ALK: variants seen among roughly 807,000 people sequenced by gnomAD.
ALK encodes the protein ALK receptor tyrosine kinase, also known as ALK tyrosine kinase receptor.
In ALK, 74 loss-of-function variants were observed where a neutral mutation model predicts 163.1. The observed-to-expected ratio is 0.45, with a 90% confidence interval of 0.38 to 0.55. The LOEUF is 0.55. Among genes scored for constraint, ALK ranks in the 20% least tolerant of loss-of-function variants. The pLI, the probability that ALK is intolerant of heterozygous loss-of-function variation, is 0.00. For missense variants in ALK, 2,063 were observed against 2,105.3 expected, an observed-to-expected ratio of 0.98 and a Z score of 0.39; for synonymous variants, 960 against 843.2, an observed-to-expected ratio of 1.14 and a Z score of -2.40.
At chr2:29,630,549 G>A (rs933915941) in intron 3 of ALK, among the ~76,000 whole-genome samples, 4 of 151,802 alleles carry the variant, frequency 2.6e-5, no homozygotes, top group African/African-American at 9.7e-5. Flanking sequence ...ATTAAGGTTG[G>A]CAATTATTAA....
chr2:29,356,940 C>A (rs1016711532), intron 5 of ALK, among the ~76,000 whole-genome samples: 1 of 152,100 alleles, frequency 6.6e-6, no homozygotes, highest in African/African-American at 2.4e-5. Context: ...CATGACTGCT[C>A]CACATCTTCA....
chr2:29,561,580 CAT>C (rs2148183191), intron 3 of ALK, among the ~76,000 whole-genome samples: 1 of 152,296 alleles, frequency 6.6e-6, no homozygotes, highest in East Asian at 1.9e-4. Context: ...ATAACCTTCA[CAT>C]GTGTTCATAA....
intron 4 of ALK, among the ~76,000 whole-genome samples, chr2:29,390,090 G>C (rs1372498047): frequency 6.6e-6 from 1 of 152,174 alleles, no homozygotes; most frequent in Admixed American, 6.5e-5. Flanking sequence ...TTAAAATGCA[G>C]GTTGGCATGC....
At chr2:29,703,939 T>C (rs1005067142) in intron 2 of ALK, among the ~76,000 whole-genome samples, 1 of 152,184 alleles carries the variant, frequency 6.6e-6, no homozygotes, top group Middle Eastern at 3.2e-3. Flanking sequence ...TTTCTGAATG[T>C]CACCTCTTCA....
intron 4 of ALK, among the ~76,000 whole-genome samples, chr2:29,401,102 G>T (rs1669433936): frequency 6.6e-6 from 1 of 152,096 alleles, no homozygotes; most frequent in Non-Finnish European, 1.5e-5. Context: ...GCACTAAATG[G>T]CATCCTGGAG....
chr2:29,832,504 G>A (rs1665447210), intron 1 of ALK, among the ~76,000 whole-genome samples: 1 of 152,254 alleles, frequency 6.6e-6, no homozygotes, highest in Admixed American at 6.5e-5. Flanking sequence ...GAGTGAGTGT[G>A]TGTGCACACT....
chr2:29,218,569 G>A (rs2879456), intron 23 of ALK, among the ~76,000 whole-genome samples: 82,366 of 151,994 alleles, frequency 0.54, 23,003 homozygotes, highest in East Asian at 0.89. Flanking sequence ...AGAGAGAAAG[G>A]GGGAGGGGAG....
intron 2 of ALK, among the ~76,000 whole-genome samples, chr2:29,695,534 T>C (rs954120997): frequency 6.6e-6 from 1 of 152,172 alleles, no homozygotes; most frequent in Non-Finnish European, 1.5e-5. Context: ...ATGTAATGTA[T>C]GTGCGGCTTA....
chr2:29,791,252 T>G (rs1192184244), intron 1 of ALK, among the ~76,000 whole-genome samples: 1 of 152,102 alleles, frequency 6.6e-6, no homozygotes, highest in African/African-American at 2.4e-5. Context: ...AATGATAGAC[T>G]GGATAAAGAA....
intron 5 of ALK, among the ~76,000 whole-genome samples, chr2:29,344,613 CCAATGCATGACCTGT>C (rs1223795238): frequency 1.3e-5 from 2 of 152,232 alleles, no homozygotes; most frequent in Admixed American, 1.3e-4. Context: ...CCAGCTGAAT[CCAATGCATGACCTGT>C]CAATGCCATG....
chr2:29,699,338 G>A (rs1410547945), intron 2 of ALK, among the ~76,000 whole-genome samples: 1 of 152,120 alleles, frequency 6.6e-6, no homozygotes, highest in Non-Finnish European at 1.5e-5. Context: ...GAAGTGGACG[G>A]TTTCTTCTTC....
intron 9 of ALK, among the ~76,000 whole-genome samples, chr2:29,289,650 G>A (rs1218285979): frequency 1.3e-5 from 2 of 152,124 alleles, no homozygotes; most frequent in African/African-American, 2.4e-5. Context: ...AACTCCCCTC[G>A]CGAGAGGCAG....
At chr2:29,195,634 C>G (rs1361578355) in intron 28 of ALK, among the ~76,000 whole-genome samples, 2 of 152,142 alleles carry the variant, frequency 1.3e-5, no homozygotes, top group African/African-American at 4.8e-5. Context: ...ACTCAGGAGG[C>G]TGAGGGAGGA....
intron 3 of ALK, among the ~76,000 whole-genome samples, chr2:29,567,123 TGAA>T (rs1674213968): frequency 6.6e-6 from 1 of 152,196 alleles, no homozygotes; most frequent in Non-Finnish European, 1.5e-5. Flanking sequence ...TCTATGTAAA[TGAA>T]GAAGTCACAG....
At chr2:29,317,950 G>A (rs1666882820) in intron 8 of ALK, among the ~76,000 whole-genome samples, 2 of 152,198 alleles carry the variant, frequency 1.3e-5, no homozygotes, top group African/African-American at 2.4e-5. Context: ...TATTTACAAT[G>A]TATTACAAGA....
At chr2:29,398,721 C>A (rs941875981) in intron 4 of ALK, among the ~76,000 whole-genome samples, 1 of 152,064 alleles carries the variant, frequency 6.6e-6, no homozygotes, top group Non-Finnish European at 1.5e-5. Flanking sequence ...CAGCATTCTC[C>A]GAGGTCAGAG....
At chr2:29,271,999 G>A (rs1665401507) in intron 11 of ALK, among the ~76,000 whole-genome samples, 1 of 152,184 alleles carries the variant, frequency 6.6e-6, no homozygotes, top group South Asian at 2.1e-4. Context: ...GGGGTAGGGA[G>A]GTTGAGGAAG....
At chr2:29,722,018 GT>G (rs1481903723) in intron 1 of ALK, among the ~76,000 whole-genome samples, 1 of 152,190 alleles carries the variant, frequency 6.6e-6, no homozygotes, top group Middle Eastern at 3.2e-3. Flanking sequence ...CTAGGTCTTT[GT>G]TTCACTGGAC....
chr2:29,658,117 A>T (rs957525564), intron 3 of ALK, among the ~76,000 whole-genome samples: 2 of 152,106 alleles, frequency 1.3e-5, no homozygotes, highest in East Asian at 3.9e-4. Flanking sequence ...TCCACTGTCC[A>T]CTCAAGCCAG....
Sources: allele counts gnomAD v4.1 joint callset (sites outside exome capture counted in the v4.1 genomes callset), GRCh38; gene constraint gnomAD v4.1.1; transcripts MANE v1.5; gene names NCBI Gene and HGNC (gene_info 2026-07-23, HGNC 2026-07-21).